The following NOVA1 variants were observed in gnomAD, a reference collection of about 807,000 sequenced individuals.
NOVA1 encodes the protein NOVA alternative splicing regulator 1.
In NOVA1, 7 loss-of-function variants were observed where a neutral mutation model predicts 38.0. The observed-to-expected ratio is 0.18, with a 90% confidence interval of 0.10 to 0.35. NOVA1 has a LOEUF of 0.35. Among genes scored for constraint, NOVA1 ranks in the 10% least tolerant of loss-of-function variants. NOVA1 has a pLI of 1.00. For missense variants in NOVA1, 460 were observed against 616.0 expected, an observed-to-expected ratio of 0.75 and a Z score of 2.68; for synonymous variants, 270 against 232.5, an observed-to-expected ratio of 1.16 and a Z score of -1.47.
chr14:26,521,150 T>C (rs1473722), intron 2 of NOVA1, among the ~76,000 whole-genome samples: 37,580 of 151,720 alleles, frequency 0.25, 5,466 homozygotes, highest in African/African-American at 0.39. Flanking sequence ...TTTGAGGTAG[T>C]TCAGCATGAC....
At chr14:26,515,195 G>C (rs1419186310) in intron 2 of NOVA1, among the ~76,000 whole-genome samples, 1 of 151,762 alleles carries the variant, frequency 6.6e-6, no homozygotes, top group Non-Finnish European at 1.5e-5. Flanking sequence ...GATTACTTTT[G>C]AAAATTCGCA....
intron 2 of NOVA1, among the ~76,000 whole-genome samples, chr14:26,591,700 C>T (rs1228324996): frequency 6.6e-6 from 1 of 151,308 alleles, no homozygotes; most frequent in African/African-American, 2.4e-5. Context: ...TTAATTTGGC[C>T]ACTATATTTT....
At chr14:26,579,246 C>T (rs112647427) in intron 2 of NOVA1, among the ~76,000 whole-genome samples, 179 of 151,732 alleles carry the variant, frequency 1.2e-3, no homozygotes, top group African/African-American at 4.0e-3. Flanking sequence ...TAAGTAGAGA[C>T]GGGGTTTCAC....
rs144593498 is a variant in NOVA1 at position 26,564,403 on chromosome 14, A to C, written c.280+31007T>G. 5.6e-3 allele frequency among the ~76,000 whole-genome samples: 852 copies of C among 152,210 alleles called. 5 individuals are homozygous for C. Among genetic ancestry groups the C allele is most frequent in the Middle Eastern group, 0.031 (9 of 294 alleles). On this transcript the variant is annotated intron_variant, in intron 2 of 4. Coordinates refer to ENST00000539517, the MANE Select transcript of NOVA1 (RefSeq NM_002515.3). ...AGTTATTATCCCTACTTTACACATG[A>C]AAAAATGGAAGCACAGGTTAACTGG... is the stretch of plus-strand genomic sequence containing the variant.
chr14:26,478,977 T>C (rs1338418127), intron 3 of NOVA1: 2 of 151,902 alleles, frequency 1.3e-5, no homozygotes, highest in African/African-American at 2.4e-5. Flanking sequence ...TATTTATCTA[T>C]ATATTGGTAA....
chr14:26,447,859 A>G lies in NOVA1; in HGVS notation c.*100T>C, dbSNP rs1882206638. ...GTCGCATTCATTTGCATAATTATAT[A>G]TTAATAACAGAAAAACTTCACTTCT... On this transcript the variant is annotated 3_prime_UTR_variant, in exon 5 of 5. Coordinates refer to ENST00000539517, the MANE Select transcript of NOVA1 (RefSeq NM_002515.3). The G allele has an allele frequency of 2.5e-6, 2 of 802,580 alleles. No homozygotes were observed. Among genetic ancestry groups the G allele is most frequent in the Admixed American group, 5.1e-5 (2 of 39,468 alleles). The allele number at this position is 802,580 out of a possible 1,614,324, so 49.7% of individuals were successfully genotyped here.
chr14:26,531,592 A>T (rs1419152088), intron 2 of NOVA1, among the ~76,000 whole-genome samples: 8 of 145,788 alleles, frequency 5.5e-5, no homozygotes, highest in Admixed American at 2.9e-4. Flanking sequence ...AAGCAACAAC[A>T]GCGAAACTCC....
At chr14:26,549,629 AT>A in intron 2 of NOVA1, 1 of 768,396 alleles carries the variant, frequency 1.3e-6, no homozygotes, top group South Asian at 1.6e-5. Flanking sequence ...GTTATTTGTT[AT>A]TTTCTCTTAT....
Position 26,448,231 on chromosome 14 carries a change from C to T in NOVA1, c.1252G>A (p.Asp418Asn). ...SAILGTEKST[D>N]GSKDVVEIAV... Reference sequence around the variant, plus strand: ...ATTTCAACTACATCCTTGGATCCATCTGTGGACTTTTCTGTTCCTAGAATG... The same window carrying T: ...ATTTCAACTACATCCTTGGATCCATTTGTGGACTTTTCTGTTCCTAGAATG... Residue 418 changes from aspartate to asparagine, a missense_variant, in exon 5 of 5, where the codon GAT (aspartate) becomes AAT (asparagine). Transcript: ENST00000539517. The surrounding 1 kb of genome is among the most constrained non-coding windows in gnomAD (Gnocchi z 5.3). The T allele has an allele frequency of 6.2e-7, 1 of 1,614,224 alleles. No individual in the cohort carries two copies. Among genetic ancestry groups the T allele is most frequent in the Non-Finnish European group, 8.5e-7 (1 of 1,180,044 alleles).
intron 4 of NOVA1, among the ~76,000 whole-genome samples, chr14:26,449,616 T>A (rs933125682): frequency 2.0e-5 from 3 of 152,146 alleles, no homozygotes; most frequent in African/African-American, 4.8e-5. Context: ...AAATAATTAA[T>A]AATTTTTAAT....
At chr14:26,461,226 T>C (rs923950645) in intron 4 of NOVA1, among the ~76,000 whole-genome samples, 1 of 152,194 alleles carries the variant, frequency 6.6e-6, no homozygotes, top group Non-Finnish European at 1.5e-5. Context: ...AAAAGGAATG[T>C]TACAGAGCGA....
chr14:26,454,386 C>T (rs999005718), intron 4 of NOVA1, among the ~76,000 whole-genome samples: 1 of 151,936 alleles, frequency 6.6e-6, no homozygotes, highest in South Asian at 2.1e-4. Context: ...GGAAACTTGT[C>T]GATAAAGAGA....
intron 4 of NOVA1, among the ~76,000 whole-genome samples, chr14:26,458,489 T>C (rs1385728821): frequency 6.6e-6 from 1 of 152,172 alleles, no homozygotes; most frequent in Non-Finnish European, 1.5e-5. Context: ...TATGGAATAC[T>C]ATACAGTTGT....
chr14:26,473,931 CAAGA>C (rs1251528614), intron 3 of NOVA1, among the ~76,000 whole-genome samples: 2 of 151,964 alleles, frequency 1.3e-5, no homozygotes, highest in Non-Finnish European at 2.9e-5. Context: ...TGCTATTTCT[CAAGA>C]GAGACTTCAT....
chr14:26,559,324 C>T (rs183996079), intron 2 of NOVA1, among the ~76,000 whole-genome samples: 77 of 152,160 alleles, frequency 5.1e-4, no homozygotes, highest in African/African-American at 1.7e-3. Flanking sequence ...TTTATTCTTA[C>T]CGTCATCATT....
At chr14:26,565,219 T>C (rs1286345735) in intron 2 of NOVA1, among the ~76,000 whole-genome samples, 1 of 152,154 alleles carries the variant, frequency 6.6e-6, no homozygotes, top group Non-Finnish European at 1.5e-5. Context: ...ACTCCTGCAG[T>C]TTTGTAAGAA....
intron 2 of NOVA1, among the ~76,000 whole-genome samples, chr14:26,520,941 C>T (rs2138503388): frequency 6.6e-6 from 1 of 152,022 alleles, no homozygotes; most frequent in East Asian, 1.9e-4. Context: ...ACTCTTAATC[C>T]CCTGTCATCC....
intron 2 of NOVA1, among the ~76,000 whole-genome samples, chr14:26,498,062 A>G (rs1331440129): frequency 1.3e-5 from 2 of 152,116 alleles, no homozygotes; most frequent in Non-Finnish European, 2.9e-5. Flanking sequence ...TAGATTAAAA[A>G]ATAAAGTGCT....
At chr14:26,472,203 C>CT in intron 4 of NOVA1, 117 bp downstream of exon 4, 2 of 672,252 alleles carry the variant, frequency 3.0e-6, no homozygotes, top group Non-Finnish European at 2.7e-6. Context: ...TGGAATCTGA[C>CT]TATGGTGCAT....
Sources: allele counts gnomAD v4.1 joint callset (sites outside exome capture counted in the v4.1 genomes callset), GRCh38; gene constraint gnomAD v4.1.1; non-coding constraint Gnocchi (gnomAD v3.1); transcripts MANE v1.5; gene names NCBI Gene and HGNC (gene_info 2026-07-23, HGNC 2026-07-21).